Variants in CCDC178 observed in about 807,000 individuals in gnomAD.
The protein encoded by CCDC178 is coiled-coil domain-containing protein 178.
In CCDC178, 126 loss-of-function variants were observed where a neutral mutation model predicts 117.4. That is an observed-to-expected ratio of 1.07 (90% CI 0.93 to 1.24). The LOEUF (loss-of-function observed/expected upper bound fraction) is 1.24, where lower values mean the gene tolerates loss of function less well. CCDC178 is among the 50% of genes most tolerant of loss of function. The pLI, the probability that CCDC178 is intolerant of heterozygous loss-of-function variation, is 0.00. For synonymous variants in CCDC178, 283 were observed against 313.4 expected (o/e 0.90, Z 1.02); for missense variants, 1,030 against 986.9 (o/e 1.04, Z -0.59).
chr18:33,109,495 T>C (rs2057752385), intron 20 of CCDC178, among the ~76,000 whole-genome samples: 1 of 151,636 alleles, frequency 6.6e-6, no homozygotes, highest in South Asian at 2.1e-4. Context: ...TCCCTCGATC[T>C]TTTAAAAACT....
chr18:33,345,402 C>G (rs915204138), intron 9 of CCDC178, among the ~76,000 whole-genome samples: 3 of 152,118 alleles, frequency 2.0e-5, no homozygotes, highest in African/African-American at 7.2e-5. Flanking sequence ...AAAGAATTTC[C>G]TTTTTTACCT....
intron 21 of CCDC178, among the ~76,000 whole-genome samples, chr18:33,020,825 A>G (rs1026701238): frequency 1.3e-5 from 2 of 152,034 alleles, no homozygotes; most frequent in East Asian, 3.9e-4. Flanking sequence ...AGTGAATTTT[A>G]GGTTGTATTT....
chr18:33,246,702 G>T (rs1431091620), intron 14 of CCDC178, among the ~76,000 whole-genome samples: 1 of 151,760 alleles, frequency 6.6e-6, no homozygotes, highest in East Asian at 1.9e-4. Flanking sequence ...AGCGACCAGT[G>T]CAAGGTTCAC....
chr18:32,965,181 C>G (rs1364719270), intron 22 of CCDC178, among the ~76,000 whole-genome samples: 1 of 151,962 alleles, frequency 6.6e-6, no homozygotes, highest in Non-Finnish European at 1.5e-5. Context: ...TCAATCCCTT[C>G]AGCCACACAG....
intron 20 of CCDC178, among the ~76,000 whole-genome samples, chr18:33,196,828 G>A (rs1351474091): frequency 6.6e-6 from 1 of 152,100 alleles, no homozygotes; most frequent in African/African-American, 2.4e-5. Flanking sequence ...TGCTGAAATG[G>A]GGAGTTTTTT....
chr18:33,323,082 C>G (rs2062535436), intron 11 of CCDC178: 1 of 151,622 alleles, frequency 6.6e-6, no homozygotes, highest in African/African-American at 2.4e-5. Context: ...CATTCGTAAT[C>G]AAATAAATTC....
At chr18:33,048,133 A>C (rs796192900) in intron 21 of CCDC178, among the ~76,000 whole-genome samples, 32 of 152,286 alleles carry the variant, frequency 2.1e-4, no homozygotes, top group African/African-American at 7.7e-4. Flanking sequence ...GGAACACCTA[A>C]GGTTACCAGG....
At chr18:33,022,409 G>A (rs1048207494) in intron 21 of CCDC178, among the ~76,000 whole-genome samples, 1 of 152,154 alleles carries the variant, frequency 6.6e-6, no homozygotes, top group African/African-American at 2.4e-5. Flanking sequence ...AAATTATAAT[G>A]TCTGATGTGG....
intron 22 of CCDC178, among the ~76,000 whole-genome samples, chr18:32,945,159 T>G (rs566935084): frequency 6.6e-6 from 1 of 152,170 alleles, no homozygotes; most frequent in Admixed American, 6.5e-5. Flanking sequence ...GTAGGCTATA[T>G]GTCCTGAAGG....
chr18:33,439,704 G>A (rs2064351258), intron 2 of CCDC178, among the ~76,000 whole-genome samples: 1 of 152,116 alleles, frequency 6.6e-6, no homozygotes, highest in African/African-American at 2.4e-5. Flanking sequence ...GGGTAGGAGG[G>A]AGATGTCAAG....
At position 33,001,070 on chromosome 18, in the gene CCDC178, G is replaced by C. The variant is rs7243744; in HGVS notation, c.2389-26389C>G. ...AAACAACAAAAAGTTAATAGGTGGGGTAAATAAATTAAAGTGGAATTTTTA... is the reference window on the plus strand; with the variant it reads ...AAACAACAAAAAGTTAATAGGTGGGCTAAATAAATTAAAGTGGAATTTTTA... On this transcript the variant is annotated intron_variant, in intron 21 of 22. Transcript: ENST00000383096. Among the ~76,000 whole-genome samples, 1,463 of 152,248 alleles carry C rather than the reference G, an allele frequency of 9.6e-3. 25 individuals are homozygous for C. Among genetic ancestry groups the C allele is most frequent in the African/African-American group, 0.034 (1,405 of 41,542 alleles).
At chr18:33,231,326 C>T (rs145345089) in intron 15 of CCDC178, among the ~76,000 whole-genome samples, 4 of 151,858 alleles carry the variant, frequency 2.6e-5, no homozygotes, top group African/African-American at 9.7e-5. Flanking sequence ...AAAAATGTAA[C>T]GTAGTGAAAG....
chr18:33,323,619 G>A lies in CCDC178; in HGVS notation c.894C>T (p.His298=). The change falls in exon 11 of 23, where the codon CAC becomes CAT. Residue 298 remains histidine, a synonymous_variant. Coordinates refer to ENST00000383096, the MANE Select transcript of CCDC178 (RefSeq NM_001105528.4). ...YKKKMEVMDL[H]RKVNEELEEA... Reference sequence around the variant, plus strand: ...CTTCAAGTTCTTCATTAACTTTTCTGTGTAGGTCCATTACCTAGAAATGAA... The same window carrying A: ...CTTCAAGTTCTTCATTAACTTTTCTATGTAGGTCCATTACCTAGAAATGAA... 2 of 1,522,966 alleles carry A rather than the reference G, an allele frequency of 1.3e-6. No homozygotes were observed. Among genetic ancestry groups the A allele is most frequent in the Non-Finnish European group, 1.8e-6 (2 of 1,136,870 alleles). 94.3% of individuals were successfully genotyped at this position (1,522,966 alleles called of 1,614,324 possible). A position where few individuals can be genotyped will look rare whatever the true frequency, so the allele number is the denominator to read the frequency against.
At chr18:33,135,001 G>A (rs1291728980) in intron 20 of CCDC178, among the ~76,000 whole-genome samples, 1 of 151,082 alleles carries the variant, frequency 6.6e-6, no homozygotes, top group East Asian at 1.9e-4. Flanking sequence ...CCATTAAAAT[G>A]GAATATTAAA....
chr18:33,269,512 G>C (rs2059860941), intron 12 of CCDC178, among the ~76,000 whole-genome samples: 2 of 151,812 alleles, frequency 1.3e-5, no homozygotes, highest in Non-Finnish European at 2.9e-5. Flanking sequence ...CGGCAACGTT[G>C]GCAACTGCCT....
At chr18:33,237,074 C>G (rs2059433697) in intron 15 of CCDC178, among the ~76,000 whole-genome samples, 1 of 152,174 alleles carries the variant, frequency 6.6e-6, no homozygotes, top group South Asian at 2.1e-4. Context: ...GTGAGCCAAG[C>G]TGCTGCAGCA....
chr18:33,097,501 T>A (rs1402328768), intron 20 of CCDC178, among the ~76,000 whole-genome samples: 2 of 152,110 alleles, frequency 1.3e-5, no homozygotes, highest in Non-Finnish European at 2.9e-5. Context: ...GGAGTATTTG[T>A]TATACAACCA....
intron 10 of CCDC178, among the ~76,000 whole-genome samples, chr18:33,326,602 G>A (rs940078030): frequency 1.3e-5 from 2 of 152,160 alleles, no homozygotes; most frequent in Non-Finnish European, 2.9e-5. Flanking sequence ...TGAGGCAAGG[G>A]ATTCCCAGAG....
intron 2 of CCDC178, among the ~76,000 whole-genome samples, chr18:33,422,129 T>C (rs1341561628): frequency 1.3e-5 from 2 of 152,204 alleles, no homozygotes; most frequent in Non-Finnish European, 2.9e-5. Flanking sequence ...GAATTATTAC[T>C]TCAATTACCA....
Sources: allele counts gnomAD v4.1 joint callset (sites outside exome capture counted in the v4.1 genomes callset), GRCh38; gene constraint gnomAD v4.1.1; transcripts MANE v1.5; gene names NCBI Gene and HGNC (gene_info 2026-07-23, HGNC 2026-07-21).